PPP3CB: variants seen among roughly 807,000 people sequenced by gnomAD.
PPP3CB encodes the protein protein phosphatase 3 catalytic subunit beta, also known as serine/threonine-protein phosphatase 2B catalytic subunit beta isoform.
PPP3CB carries 8 observed loss-of-function variants against 66.4 expected under a neutral mutation model. That is an observed-to-expected ratio of 0.12 (90% CI 0.07 to 0.22). The LOEUF is 0.22. Among genes scored for constraint, PPP3CB ranks in the 10% least tolerant of loss-of-function variants. PPP3CB has a pLI of 1.00. For missense variants in PPP3CB, 319 were observed against 642.5 expected (o/e 0.50, Z 5.44); for synonymous variants, 208 against 221.2 (o/e 0.94, Z 0.53).
At chr10:73,447,492 T>C (rs1230221985) in intron 10 of PPP3CB, among the ~76,000 whole-genome samples, 3 of 152,088 alleles carry the variant, frequency 2.0e-5, no homozygotes, top group East Asian at 3.9e-4. Context: ...AGAGCCGTGC[T>C]TCAACACAAT....
chr10:73,447,854 T>C (rs2056282089), intron 10 of PPP3CB, among the ~76,000 whole-genome samples: 1 of 151,288 alleles, frequency 6.6e-6, no homozygotes, highest in Non-Finnish European at 1.5e-5. Context: ...TGTGGGTACC[T>C]GGGTACCACA....
At chr10:73,477,301 A>T in intron 3 of PPP3CB, 2 of 502,200 alleles carry the variant, frequency 4.0e-6, no homozygotes, top group South Asian at 2.9e-5. Context: ...CTACAAAAAT[A>T]ATCAGGCAAG....
intron 4 of PPP3CB, among the ~76,000 whole-genome samples, chr10:73,472,501 A>AG (rs2056719499): frequency 6.6e-6 from 1 of 152,060 alleles, no homozygotes; most frequent in East Asian, 1.9e-4. Flanking sequence ...TCTCAAAAAA[A>AG]AAAAAAAAAG....
chr10:73,451,233 AAATAAC>A lies in PPP3CB; in HGVS notation c.1186+3173_1186+3178del, dbSNP rs577760371. On this transcript the variant is annotated intron_variant, in intron 10 of 13. Coordinates refer to ENST00000360663, the MANE Select transcript of PPP3CB (RefSeq NM_021132.4). ...AAAGAAAGGTAAAAATACAGAAAAT[AAATAAC>A]AATATCAATCCCCTATAAATGACAT... Among the ~76,000 whole-genome samples, 81 of 152,124 alleles carry A rather than the reference AAATAAC, an allele frequency of 5.3e-4. 1 individual carries two copies. Among genetic ancestry groups the A allele is most frequent in the African/African-American group, 1.7e-3 (71 of 41,558 alleles).
intron 8 of PPP3CB, among the ~76,000 whole-genome samples, chr10:73,470,057 C>T (rs1309260300): frequency 3.3e-5 from 5 of 151,934 alleles, no homozygotes; most frequent in Non-Finnish European, 7.4e-5. Flanking sequence ...AAATGAAATC[C>T]AATTACTATA....
intron 9 of PPP3CB, among the ~76,000 whole-genome samples, chr10:73,464,056 A>T (rs1420603565): frequency 1.3e-5 from 2 of 152,038 alleles, no homozygotes; most frequent in Non-Finnish European, 1.5e-5. Flanking sequence ...GAGCCTCCCG[A>T]GTAGCTGGGA....
chr10:73,469,010 G>A (rs948630112), intron 8 of PPP3CB, among the ~76,000 whole-genome samples: 1 of 152,044 alleles, frequency 6.6e-6, no homozygotes, highest in African/African-American at 2.4e-5. Flanking sequence ...TACAGACTCA[G>A]GACTACAAAG....
At chr10:73,481,955 A>T (rs936951094) in intron 1 of PPP3CB, among the ~76,000 whole-genome samples, 2 of 152,162 alleles carry the variant, frequency 1.3e-5, no homozygotes, top group Non-Finnish European at 2.9e-5. Flanking sequence ...AGATTCTAAT[A>T]AAATAAAAGC....
At chr10:73,493,027 A>C (rs1421508874) in intron 1 of PPP3CB, among the ~76,000 whole-genome samples, 1 of 152,054 alleles carries the variant, frequency 6.6e-6, no homozygotes, top group Non-Finnish European at 1.5e-5. Context: ...TGTAATCCCA[A>C]CACTTTGGGA....
chr10:73,493,080 C>A (rs1025134407), intron 1 of PPP3CB, among the ~76,000 whole-genome samples: 3 of 151,970 alleles, frequency 2.0e-5, no homozygotes, highest in Non-Finnish European at 4.4e-5. Flanking sequence ...TTGAGACCAG[C>A]CTGGCCAACA....
chr10:73,479,541 AAGAT>A (rs762386317), intron 1 of PPP3CB, 24 bp from the exon 2 acceptor site: 1 of 1,597,786 alleles, frequency 6.3e-7, no homozygotes, highest in East Asian at 2.2e-5. Flanking sequence ...TAATTAATAA[AAGAT>A]AAGTCACCAA....
intron 11 of PPP3CB, among the ~76,000 whole-genome samples, chr10:73,446,096 C>CTT (rs370319666): frequency 6.7e-6 from 1 of 150,268 alleles, no homozygotes; most frequent in Non-Finnish European, 1.5e-5. Context: ...TTGCTTGTTG[C>CTT]TTTTTTTCTT....
At chr10:73,475,734 T>A (rs1332581332) in intron 3 of PPP3CB, among the ~76,000 whole-genome samples, 1 of 152,236 alleles carries the variant, frequency 6.6e-6, no homozygotes, top group Non-Finnish European at 1.5e-5. Flanking sequence ...TTATAGCAGA[T>A]GCTATTCTCT....
At chr10:73,441,608 T>A (rs150015758) in intron 12 of PPP3CB, among the ~76,000 whole-genome samples, 79 of 152,334 alleles carry the variant, frequency 5.2e-4, no homozygotes, top group African/African-American at 1.9e-3. Flanking sequence ...CATCTTGTCA[T>A]GGCCTTAATA....
At position 73,479,393 on chromosome 10, in the gene PPP3CB, C is replaced by A. The variant is rs555478368; in HGVS notation, c.210G>T (p.Ala70=). 3.1e-6 allele frequency: 5 copies of A among 1,613,998 alleles called. No homozygotes were observed. The Admixed American group carries it at 6.7e-5, about 22-fold the overall frequency. The change falls in exon 2 of 14, where the codon GCG becomes GCT. Residue 70 remains alanine (A), a synonymous_variant. Coordinates refer to ENST00000360663, the MANE Select transcript of PPP3CB (RefSeq NM_021132.4). ...VKEGRVDEEI[A]LRIINEGAAI... ...CAGCACCCTCATTGATAATTCTAAG[C>A]GCAATTTCTTCATCTACTCGACCTT... is the stretch of plus-strand genomic sequence containing the variant.
intron 12 of PPP3CB, among the ~76,000 whole-genome samples, chr10:73,440,179 G>A (rs1244170372): frequency 6.6e-6 from 1 of 152,092 alleles, no homozygotes; most frequent in Non-Finnish European, 1.5e-5. Flanking sequence ...CCATGCAAAT[G>A]CACTCCAGTA....
At chr10:73,485,907 ATT>A (rs2056964283) in intron 1 of PPP3CB, among the ~76,000 whole-genome samples, 1 of 75,432 alleles carries the variant, frequency 1.3e-5, no homozygotes, top group Non-Finnish European at 2.5e-5. Context: ...CACCTGGCTA[ATT>A]GTGTGTGTGT....
chr10:73,476,620 T>TAA (rs1296984557), intron 3 of PPP3CB, among the ~76,000 whole-genome samples: 5,818 of 122,214 alleles, frequency 0.048, 380 homozygotes, highest in African/African-American at 0.16. Flanking sequence ...CCATCTCAAT[T>TAA]AAAAAAAAAA....
intron 11 of PPP3CB, among the ~76,000 whole-genome samples, chr10:73,445,228 T>C (rs2056227453): frequency 6.6e-6 from 1 of 152,196 alleles, no homozygotes; most frequent in Non-Finnish European, 1.5e-5. Context: ...AGGCAATTTA[T>C]GGCTCCAGCA....
Sources: gnomAD v4.1 joint callset for allele counts (sites outside exome capture counted in the v4.1 genomes callset) on GRCh38, gnomAD v4.1.1 for gene constraint, MANE v1.5 for transcripts, NCBI Gene and HGNC (gene_info 2026-07-23, HGNC 2026-07-21) for gene names.